Variants in SKAP1 observed in about 807,000 individuals in gnomAD.
SKAP1 encodes src kinase-associated phosphoprotein 1.
A neutral mutation model predicts 58.5 loss-of-function variants in SKAP1; 44 were observed. That is an observed-to-expected ratio of 0.75 (90% confidence interval 0.59 to 0.97). SKAP1 has a LOEUF of 0.97. Ranked by LOEUF, SKAP1 falls within the 50% of genes least tolerant of loss-of-function variation. SKAP1 has a pLI of 0.00. For synonymous variants in SKAP1, 127 were observed against 149.7 expected (o/e 0.85, Z 1.11); for missense variants, 390 against 435.2 (o/e 0.90, Z 0.92).
intron 4 of SKAP1, among the ~76,000 whole-genome samples, chr17:48,272,331 C>G (rs1197579446): frequency 6.6e-6 from 1 of 151,852 alleles, no homozygotes; most frequent in Non-Finnish European, 1.5e-5. Flanking sequence ...GGGGTTTCAC[C>G]ATGTTGGCCA....
intron 11 of SKAP1, among the ~76,000 whole-genome samples, chr17:48,153,358 G>C (rs200765061): frequency 6.6e-6 from 1 of 152,112 alleles, no homozygotes; most frequent in East Asian, 1.9e-4. Flanking sequence ...GGCTGCCAGG[G>C]TTTGTTCTAG....
intron 1 of SKAP1, among the ~76,000 whole-genome samples, chr17:48,422,778 A>C (rs1002119231): frequency 9.2e-5 from 14 of 152,232 alleles, no homozygotes; most frequent in African/African-American, 3.4e-4. Context: ...AACATCCAAA[A>C]AGTCATTAAA....
In SKAP1 at chr17:48,133,740, G is replaced by A. The variant is rs1290528294; in HGVS notation, c.*84C>T. 6.6e-6 allele frequency: 1 copy of A among 152,598 alleles called. No individual in the cohort carries two copies. The highest frequency in any genetic ancestry group is 3.2e-3 in the Middle Eastern group (1 of 316). 9.5% of individuals were successfully genotyped at this position (152,598 alleles called of 1,614,324 possible). On this transcript the variant is annotated 3_prime_UTR_variant, in exon 13 of 13. Coordinates refer to ENST00000336915, the MANE Select transcript of SKAP1 (RefSeq NM_003726.4). ...AGAGAGGAGTCCAAGGCGTTGGTGG[G>A]GTGGCAGAAGTAGGGAGTGGGAACT...
intron 6 of SKAP1, among the ~76,000 whole-genome samples, chr17:48,185,741 CTG>C (rs1292595472): frequency 3.9e-5 from 6 of 152,168 alleles, no homozygotes; most frequent in African/African-American, 1.4e-4. Context: ...AGAAAAAAGA[CTG>C]TGCTCACCTG....
At chr17:48,170,712 C>CTTTTTT in intron 9 of SKAP1, 53 bp from the exon 10 acceptor site, 2 of 1,103,688 alleles carry the variant, frequency 1.8e-6, no homozygotes, top group South Asian at 1.5e-5. Context: ...GTCTCATGTT[C>CTTTTTT]TTTTTTTTTT....
chr17:48,296,412 T>TA (rs918054594), intron 4 of SKAP1, among the ~76,000 whole-genome samples: 8 of 152,076 alleles, frequency 5.3e-5, no homozygotes, highest in Non-Finnish European at 1.0e-4. Context: ...TGTTGTTGTT[T>TA]AAAAAAACAG....
At chr17:48,377,577 CAAAA>C (rs766249720) in intron 2 of SKAP1, among the ~76,000 whole-genome samples, 2 of 116,054 alleles carry the variant, frequency 1.7e-5, no homozygotes, top group African/African-American at 3.1e-5. Context: ...GACCCTGTCT[CAAAA>C]AAAAAAAAAA....
At chr17:48,195,631 C>T (rs2064616427) in intron 4 of SKAP1, among the ~76,000 whole-genome samples, 1 of 152,144 alleles carries the variant, frequency 6.6e-6, no homozygotes, top group Admixed American at 6.5e-5. Flanking sequence ...AGGGAATGAA[C>T]ACAACGTACT....
chr17:48,412,251 C>T (rs1267807192), intron 1 of SKAP1, among the ~76,000 whole-genome samples: 1 of 152,128 alleles, frequency 6.6e-6, no homozygotes, highest in Non-Finnish European at 1.5e-5. Context: ...TGAGTCCTTC[C>T]TTTGTGCCAG....
intron 4 of SKAP1, among the ~76,000 whole-genome samples, chr17:48,315,015 G>C (rs2066269977): frequency 6.6e-6 from 1 of 152,186 alleles, no homozygotes; most frequent in Non-Finnish European, 1.5e-5. Flanking sequence ...AGGAAACAGA[G>C]AGAAATAGGA....
upstream of SKAP1, among the ~76,000 whole-genome samples, chr17:48,434,542 A>G (rs1348501300): frequency 1.3e-5 from 2 of 152,190 alleles, no homozygotes; most frequent in Non-Finnish European, 2.9e-5. Flanking sequence ...CTGCCTTAAT[A>G]CATACAACAA....
At chr17:48,202,541 T>C (rs2064741939) in intron 4 of SKAP1, among the ~76,000 whole-genome samples, 1 of 152,106 alleles carries the variant, frequency 6.6e-6, no homozygotes. Flanking sequence ...AAAAAAGAAG[T>C]TACAAATTCT....
At chr17:48,321,539 G>A (rs1048805038) in intron 4 of SKAP1, among the ~76,000 whole-genome samples, 5 of 151,816 alleles carry the variant, frequency 3.3e-5, no homozygotes, top group Non-Finnish European at 7.4e-5. Flanking sequence ...CGCCACGCCC[G>A]GCTAATTTTT....
chr17:48,388,948 A>C (rs2067311778), intron 2 of SKAP1, among the ~76,000 whole-genome samples: 2 of 152,222 alleles, frequency 1.3e-5, no homozygotes, highest in African/African-American at 4.8e-5. Context: ...TCACTAATAT[A>C]ACTTGGAGAA....
At chr17:48,408,007 T>C (rs950702941) in intron 1 of SKAP1, among the ~76,000 whole-genome samples, 1 of 152,082 alleles carries the variant, frequency 6.6e-6, no homozygotes, top group African/African-American at 2.4e-5. Context: ...ATACAAAAAT[T>C]AGGCAGAGTA....
intron 11 of SKAP1, among the ~76,000 whole-genome samples, chr17:48,138,649 C>T (rs1343823445): frequency 1.3e-5 from 2 of 152,074 alleles, no homozygotes; most frequent in East Asian, 3.9e-4. Context: ...GGATTACAAG[C>T]GTGAGCCACT....
intron 4 of SKAP1, among the ~76,000 whole-genome samples, chr17:48,237,655 G>C (rs1049077658): frequency 6.6e-6 from 1 of 152,200 alleles, no homozygotes; most frequent in Non-Finnish European, 1.5e-5. Context: ...ACTGGAAGAT[G>C]ATCATGGCAA....
intron 4 of SKAP1, among the ~76,000 whole-genome samples, chr17:48,213,692 C>G (rs1041725253): frequency 2.0e-5 from 3 of 152,178 alleles, no homozygotes; most frequent in Non-Finnish European, 4.4e-5. Context: ...CCACCCCCAG[C>G]TGAGTTGTCA....
intron 4 of SKAP1, among the ~76,000 whole-genome samples, chr17:48,219,645 G>T (rs2064978535): frequency 6.6e-6 from 1 of 152,090 alleles, no homozygotes; most frequent in Non-Finnish European, 1.5e-5. Context: ...TAAATTCTGG[G>T]TTTTTTCCTC....
Sources: allele counts gnomAD v4.1 joint callset (sites outside exome capture counted in the v4.1 genomes callset), GRCh38; gene constraint gnomAD v4.1.1; transcripts MANE v1.5; gene names NCBI Gene and HGNC (gene_info 2026-07-23, HGNC 2026-07-21).